NRG3: variants seen among roughly 807,000 people sequenced by gnomAD.
The protein encoded by NRG3 is neuregulin 3.
Under a neutral mutation model 66.9 loss-of-function variants are expected in NRG3, and 31 were observed. The ratio of observed to expected loss-of-function variants is 0.46; its 90% CI spans 0.35 to 0.63. NRG3 has a LOEUF of 0.63. Ranked by LOEUF, NRG3 falls within the 20% of genes least tolerant of loss-of-function variation. NRG3 has a pLI of 0.00. For missense variants in NRG3, 910 were observed against 878.9 expected (o/e 1.04, Z -0.45); for synonymous variants, 393 against 359.4 (o/e 1.09, Z -1.06).
At chr10:82,940,335 C>T (rs920493307) in intron 4 of NRG3, among the ~76,000 whole-genome samples, 5 of 152,134 alleles carry the variant, frequency 3.3e-5, no homozygotes, top group African/African-American at 1.2e-4. Context: ...TTGCCTCTTT[C>T]TTAGCTTCTG....
intron 1 of NRG3, among the ~76,000 whole-genome samples, chr10:82,198,799 C>T (rs535170363): frequency 6.6e-6 from 1 of 152,104 alleles, no homozygotes; most frequent in South Asian, 2.1e-4. Flanking sequence ...AAGTTCGAGA[C>T]CAGCCTGACC....
intron 1 of NRG3, among the ~76,000 whole-genome samples, chr10:82,333,518 ACT>A (rs1290539601): frequency 6.6e-6 from 1 of 151,648 alleles, no homozygotes; most frequent in African/African-American, 2.4e-5. Flanking sequence ...GGCTTTCAAA[ACT>A]CTGTATTCAT....
intron 3 of NRG3, among the ~76,000 whole-genome samples, chr10:82,811,277 C>T (rs2061482998): frequency 6.6e-6 from 1 of 152,190 alleles, no homozygotes; most frequent in African/African-American, 2.4e-5. Context: ...GAAGAAGCTT[C>T]ACCTGTTTGT....
chr10:82,567,132 T>C (rs2045458627), intron 2 of NRG3, among the ~76,000 whole-genome samples: 2 of 151,964 alleles, frequency 1.3e-5, no homozygotes, highest in Non-Finnish European at 2.9e-5. Flanking sequence ...TCTTAATTCT[T>C]CATATTGGAA....
chr10:81,969,460 C>T (rs967086989), intron 1 of NRG3, among the ~76,000 whole-genome samples: 5 of 152,174 alleles, frequency 3.3e-5, no homozygotes, highest in Middle Eastern at 3.4e-3. Context: ...ACAGGAGGGA[C>T]GAGCAGGGGG....
intron 2 of NRG3, among the ~76,000 whole-genome samples, chr10:82,705,701 A>G (rs571563899): frequency 1.9e-4 from 29 of 152,296 alleles, no homozygotes; most frequent in African/African-American, 6.7e-4. Flanking sequence ...TCCTTTTACC[A>G]TCTACATGAA....
intron 4 of NRG3, among the ~76,000 whole-genome samples, chr10:82,921,070 G>A (rs1846376129): frequency 6.6e-6 from 1 of 151,468 alleles, no homozygotes; most frequent in South Asian, 2.1e-4. Context: ...AAAAAAAAAA[G>A]TAACATTACA....
chr10:82,562,746 G>A (rs1224221694), intron 2 of NRG3, among the ~76,000 whole-genome samples: 1 of 151,808 alleles, frequency 6.6e-6, no homozygotes, highest in Non-Finnish European at 1.5e-5. Flanking sequence ...GGAGTGACGT[G>A]GGGACCTACT....
chr10:82,958,384 C>T (rs1366947890), intron 5 of NRG3, among the ~76,000 whole-genome samples: 1 of 152,192 alleles, frequency 6.6e-6, no homozygotes, highest in Non-Finnish European at 1.5e-5. Context: ...CCATGTGTGG[C>T]ACATTACTGT....
chr10:82,914,762 TCC>T (rs201117029), intron 4 of NRG3, among the ~76,000 whole-genome samples: 5 of 150,648 alleles, frequency 3.3e-5, no homozygotes, highest in Admixed American at 6.6e-5. Context: ...TTTTTTTTTT[TCC>T]CCACACCCCT....
intron 4 of NRG3, among the ~76,000 whole-genome samples, chr10:82,868,852 T>C (rs1414895155): frequency 5.3e-5 from 8 of 151,964 alleles, no homozygotes; most frequent in African/African-American, 1.9e-4. Context: ...GCCACCACGC[T>C]CAACTAATTT....
chr10:81,924,078 G>A (rs1157300482), intron 1 of NRG3, among the ~76,000 whole-genome samples: 1 of 152,162 alleles, frequency 6.6e-6, no homozygotes, highest in Non-Finnish European at 1.5e-5. Flanking sequence ...GACCCCGGTG[G>A]GATTAGTAGA....
At chr10:82,104,223 G>A (rs2066929483) in intron 1 of NRG3, among the ~76,000 whole-genome samples, 1 of 152,102 alleles carries the variant, frequency 6.6e-6, no homozygotes, top group Admixed American at 6.6e-5. Context: ...CAGGCTTATA[G>A]CATTTTGGCC....
chr10:82,240,576 G>T (rs2076964539), intron 1 of NRG3, among the ~76,000 whole-genome samples: 1 of 152,144 alleles, frequency 6.6e-6, no homozygotes, highest in Admixed American at 6.5e-5. Context: ...TGTCCACAGA[G>T]AAACGTCTGA....
intron 2 of NRG3, among the ~76,000 whole-genome samples, chr10:82,585,924 G>A (rs910176146): frequency 6.6e-6 from 1 of 152,000 alleles, no homozygotes; most frequent in Non-Finnish European, 1.5e-5. Context: ...ATTGAAATAG[G>A]ATTACTTAAA....
chr10:82,840,208 A>G (rs1375058099), intron 3 of NRG3, among the ~76,000 whole-genome samples: 1 of 152,152 alleles, frequency 6.6e-6, no homozygotes, highest in Admixed American at 6.6e-5. Flanking sequence ...GGACAAAGAC[A>G]TGGTTTTCCC....
At chr10:82,680,567 C>T (rs1312994344) in intron 2 of NRG3, among the ~76,000 whole-genome samples, 1 of 152,192 alleles carries the variant, frequency 6.6e-6, no homozygotes, top group African/African-American at 2.4e-5. Flanking sequence ...CCGCCCTTGT[C>T]ATGATTTTAA....
intron 1 of NRG3, among the ~76,000 whole-genome samples, chr10:82,285,498 T>C (rs1241801817): frequency 1.3e-5 from 2 of 152,328 alleles, no homozygotes; most frequent in African/African-American, 4.8e-5. Context: ...TATAATAGTC[T>C]AATTAATAAA....
At chr10:82,242,749 A>G (rs1298416358) in intron 1 of NRG3, among the ~76,000 whole-genome samples, 1 of 152,132 alleles carries the variant, frequency 6.6e-6, no homozygotes, top group African/African-American at 2.4e-5. Flanking sequence ...AGTGAAGTAC[A>G]TGTGTTTCCC....
Sources: gnomAD v4.1 joint callset for allele counts (sites outside exome capture counted in the v4.1 genomes callset) on GRCh38, gnomAD v4.1.1 for gene constraint, MANE v1.5 for transcripts, NCBI Gene and HGNC (gene_info 2026-07-23, HGNC 2026-07-21) for gene names.